Variants in TSPAN16 observed in about 807,000 individuals in gnomAD.
The protein encoded by TSPAN16 is tetraspanin-16.
Under a neutral mutation model 25.2 loss-of-function variants are expected in TSPAN16, and 23 were observed. The ratio of observed to expected loss-of-function variants is 0.91; its 90% CI spans 0.66 to 1.29. The LOEUF (loss-of-function observed/expected upper bound fraction) is 1.29, where lower values mean the gene tolerates loss of function less well. Among genes scored for constraint, TSPAN16 ranks in the 50% most tolerant of loss-of-function variants. The pLI, the probability that TSPAN16 is intolerant of heterozygous loss-of-function variation, is 0.00. For missense variants in TSPAN16, 272 were observed against 299.9 expected (o/e 0.91, Z 0.69); for synonymous variants, 123 against 124.4 (o/e 0.99, Z 0.08).
At chr19:11,308,003 A>G (rs890506509) in intron 5 of TSPAN16, 2 of 152,150 alleles carry the variant, frequency 1.3e-5, no homozygotes, top group African/African-American at 4.8e-5. Flanking sequence ...AGCAATAACC[A>G]TGAAAAGTGA....
downstream of TSPAN16, among the ~76,000 whole-genome samples, chr19:11,316,479 C>T (rs1031046485): frequency 6.6e-6 from 1 of 152,084 alleles, no homozygotes; most frequent in African/African-American, 2.4e-5. Flanking sequence ...GAACATCCAT[C>T]CAGAGAAACA....
chr19:11,299,277 TAAA>T (rs79310496), intron 3 of TSPAN16, among the ~76,000 whole-genome samples: 2 of 141,408 alleles, frequency 1.4e-5, no homozygotes, highest in Non-Finnish European at 3.1e-5. Flanking sequence ...GAGACTCCGT[TAAA>T]AAAAAAAAAA....
At chr19:11,318,381 G>C (rs776738953), downstream of TSPAN16, among the ~76,000 whole-genome samples, 2 of 151,630 alleles carry the variant, frequency 1.3e-5, no homozygotes, top group African/African-American at 4.9e-5. Flanking sequence ...AGGATGGTCT[G>C]GATCTCCTGA....
downstream of TSPAN16, chr19:11,316,057 A>C (rs1448968705): frequency 1.3e-6 from 1 of 747,274 alleles, no homozygotes; most frequent in Non-Finnish European, 1.8e-6. Flanking sequence ...CCTTTCTCAT[A>C]CAACTTTCCT....
chr19:11,316,143 A>G (rs1447513634), downstream of TSPAN16, among the ~76,000 whole-genome samples: 2 of 125,934 alleles, frequency 1.6e-5, no homozygotes, highest in African/African-American at 7.6e-5. Context: ...TCCTTTTGAG[A>G]GAGTCTTGCT....
At chr19:11,326,108 G>C (rs1387353791) in intron 6 of TSPAN16, among the ~76,000 whole-genome samples, 1 of 151,948 alleles carries the variant, frequency 6.6e-6, no homozygotes, top group African/African-American at 2.4e-5. Context: ...TGTAATCCCA[G>C]CTACTCGGGA....
chr19:11,315,994 C>T (rs1223044797), downstream of TSPAN16: 5 of 1,217,782 alleles, frequency 4.1e-6, no homozygotes, highest in East Asian at 1.6e-4. Flanking sequence ...TTTCTCCTTA[C>T]TTTCATTTTT....
In TSPAN16 at chr19:11,306,692, G is replaced by A. The variant is rs148488409; in HGVS notation, c.539G>A (p.Cys180Tyr). ...TTGHTYPRSC[C>Y]KSIGSVSCDG... is the part of the protein sequence containing the mutation. ...GGCCACACCTACCCCAGGAGTTGCT[G>A]TAAATCCATCGGAAGTGTGTCCTGT... The change falls in exon 5 of 7, where the codon TGT (cysteine) becomes TAT (tyrosine). Residue 180 changes from cysteine to tyrosine, a missense_variant. Cys to Tyr is a radical substitution (Grantham distance 194). Transcript: ENST00000590327. 6.2e-6 allele frequency: 10 copies of A among 1,613,968 alleles called. No individual in the cohort carries two copies. The African/African-American group carries it at 8.0e-5, about 13-fold the overall frequency.
chr19:11,311,951 G>A (rs1238816004), intron 5 of TSPAN16, among the ~76,000 whole-genome samples, 188 bp from the exon 6 acceptor site: 1 of 152,164 alleles, frequency 6.6e-6, no homozygotes, highest in East Asian at 1.9e-4. Context: ...GGACAGGGAA[G>A]ATGCTAGGGT....
chr19:11,296,809 C>G (rs1257801725), intron 1 of TSPAN16, among the ~76,000 whole-genome samples: 1 of 152,002 alleles, frequency 6.6e-6, no homozygotes, highest in African/African-American at 2.4e-5. Context: ...GAGGCCAAGG[C>G]GGGTGGATCA....
intron 3 of TSPAN16, 117 bp from the exon 4 acceptor site, chr19:11,301,084 A>T (rs1042969464): frequency 1.3e-6 from 1 of 783,510 alleles, no homozygotes; most frequent in Non-Finnish European, 2.2e-6. Context: ...AGGGTAGGAA[A>T]AATGAAGGCA....
At chr19:11,319,990 T>G (rs1193743668), downstream of TSPAN16, among the ~76,000 whole-genome samples, 1 of 151,742 alleles carries the variant, frequency 6.6e-6, no homozygotes, top group Non-Finnish European at 1.5e-5. Context: ...AATTTTTTTG[T>G]TGTATTTTCA....
At position 11,315,276 on chromosome 19, in the gene TSPAN16, G is replaced by A. The variant is rs1055158977; in HGVS notation, c.688-515G>A. On this transcript the variant is annotated intron_variant, in intron 6 of 6. Transcript: ENST00000590327. ...AATAATAATAATAATAATAATAATA[G>A]GCCAGGCGCGGTGGCTCACGCCTGT... Among the ~76,000 whole-genome samples the A allele has an allele frequency of 1.2e-4, 14 of 118,544 alleles. No homozygotes were observed. The East Asian group carries it at 2.5e-3, about 21-fold the overall frequency. The allele number at this position is 118,544 out of a possible 152,430, so 77.8% of individuals were successfully genotyped here. A position where few individuals can be genotyped will look rare whatever the true frequency, so the allele number is the denominator to read the frequency against.
At chr19:11,314,781 G>C (rs1311748258) in intron 6 of TSPAN16, among the ~76,000 whole-genome samples, 1 of 152,064 alleles carries the variant, frequency 6.6e-6, no homozygotes, top group Non-Finnish European at 1.5e-5. Context: ...CCCAGAAGGA[G>C]GGGAAGAAAA....
At position 11,296,224 on chromosome 19, in the gene TSPAN16, A is replaced by G. The variant is rs1196392234; in HGVS notation, c.-74A>G. ...GGCGCCCCTTCCTCAGATCCCTATC[A>G]TCTTGGGAAACAGTAGCCCAGAGGT... On this transcript the variant is annotated 5_prime_UTR_variant, in exon 1 of 7. Transcript: ENST00000590327. 10 of 1,497,222 alleles carry G rather than the reference A, an allele frequency of 6.7e-6. No homozygotes were observed. The East Asian group carries it at 1.6e-4, about 24-fold the overall frequency. 92.7% of individuals were successfully genotyped at this position (1,497,222 alleles called of 1,614,324 possible).
intron 5 of TSPAN16, among the ~76,000 whole-genome samples, chr19:11,309,014 G>A (rs1468685400): frequency 6.6e-6 from 1 of 152,094 alleles, no homozygotes; most frequent in Non-Finnish European, 1.5e-5. Context: ...TTCAAGACCA[G>A]CCTTGGCAAC....
chr19:11,317,410 G>A (rs2080754841), downstream of TSPAN16, among the ~76,000 whole-genome samples: 1 of 152,086 alleles, frequency 6.6e-6, no homozygotes, highest in Non-Finnish European at 1.5e-5. Flanking sequence ...CTAACTCCTG[G>A]GCTCAAGGGA....
rs765175814 is a variant in TSPAN16 at position 11,298,240 on chromosome 19, C to T, written c.168C>T (p.His56=). ...GGCTGTCCTCCGCATACCTCCTTCA[C>T]GTTGGCAACCTGTGCCTGGTGATGG... ...VLGLSSAYLL[H]VGNLCLVMGC... The change falls in exon 2 of 7, where the codon CAC becomes CAT. Residue 56 remains histidine (H), a synonymous_variant. Coordinates refer to ENST00000590327, the MANE Select transcript of TSPAN16 (RefSeq NM_001282509.2). 11 of 1,614,030 alleles carry T rather than the reference C, an allele frequency of 6.8e-6. No individual in the cohort carries two copies. Among genetic ancestry groups the T allele is most frequent in the African/African-American group, 2.7e-5 (2 of 74,920 alleles).
intron 4 of TSPAN16, among the ~76,000 whole-genome samples, chr19:11,302,601 AT>A (rs1341626286): frequency 1.4e-5 from 2 of 145,068 alleles, no homozygotes; most frequent in Non-Finnish European, 3.0e-5. Flanking sequence ...ATACATATAT[AT>A]TTATATACAT....
Sources: gnomAD v4.1 joint callset for allele counts (sites outside exome capture counted in the v4.1 genomes callset) on GRCh38, gnomAD v4.1.1 for gene constraint, MANE v1.5 for transcripts, NCBI Gene and HGNC (gene_info 2026-07-23, HGNC 2026-07-21) for gene names.